Variants in CSMD3 observed in about 807,000 individuals in gnomAD.
The protein encoded by CSMD3 is CUB and sushi domain-containing protein 3.
A neutral mutation model predicts 435.2 loss-of-function variants in CSMD3; 177 were observed. The ratio of observed to expected loss-of-function variants is 0.41; its 90% CI spans 0.36 to 0.46. The LOEUF (loss-of-function observed/expected upper bound fraction) is 0.46, where lower values mean the gene tolerates loss of function less well. Ranked by LOEUF, CSMD3 falls within the 20% of genes least tolerant of loss-of-function variation. The pLI is 0.34. For missense variants in CSMD3, 4,265 were observed against 4,504.6 expected, an observed-to-expected ratio of 0.95 and a Z score of 1.52; for synonymous variants, 1,656 against 1,520.5, an observed-to-expected ratio of 1.09 and a Z score of -2.07.
chr8:113,120,009 A>G (rs1297534688), intron 4 of CSMD3, among the ~76,000 whole-genome samples: 5 of 151,946 alleles, frequency 3.3e-5, no homozygotes, highest in African/African-American at 1.2e-4. Context: ...TTACACAAAT[A>G]AAAAAAATTT....
At chr8:112,458,112 C>A (rs1384917589) in intron 32 of CSMD3, among the ~76,000 whole-genome samples, 1 of 151,534 alleles carries the variant, frequency 6.6e-6, no homozygotes, top group Non-Finnish European at 1.5e-5. Flanking sequence ...AAAAATACAA[C>A]CTTTGATCAC....
intron 1 of CSMD3, among the ~76,000 whole-genome samples, chr8:113,338,094 G>T (rs1251014526): frequency 6.6e-6 from 1 of 151,446 alleles, no homozygotes; most frequent in Non-Finnish European, 1.5e-5. Context: ...ACAATAAAAA[G>T]AACAACAAAA....
At chr8:113,102,240 T>TG (rs1210453254) in intron 4 of CSMD3, among the ~76,000 whole-genome samples, 8 of 152,014 alleles carry the variant, frequency 5.3e-5, no homozygotes, top group Admixed American at 5.3e-4. Context: ...TCACAGAAAG[T>TG]GGGGGGTTCA....
rs575850562 is a variant in CSMD3, at chr8:113,256,480, T to C, written c.514+22112A>G. Among the ~76,000 whole-genome samples the C allele has an allele frequency of 2.6e-5, 4 of 152,342 alleles. No homozygotes were observed. In the South Asian group the frequency reaches 8.3e-4, roughly 32 times the overall value. ...GCTGGCATAGTAGACTCAGTCATTT[T>C]ACAATGTGCTCACTAGGAAAAGTTA... On this transcript the variant is annotated intron_variant, in intron 3 of 70. Coordinates refer to ENST00000297405, the MANE Select transcript of CSMD3 (RefSeq NM_198123.2).
intron 22 of CSMD3, among the ~76,000 whole-genome samples, chr8:112,590,131 T>C (rs963827826): frequency 1.3e-5 from 2 of 152,072 alleles, no homozygotes; most frequent in African/African-American, 4.8e-5. Flanking sequence ...AAAAAATAAA[T>C]TTATAGGTTG....
intron 22 of CSMD3, among the ~76,000 whole-genome samples, chr8:112,628,210 C>G (rs745369799): frequency 9.9e-5 from 15 of 152,088 alleles, no homozygotes; most frequent in Non-Finnish European, 1.9e-4. Flanking sequence ...TTTGAGTCAG[C>G]TATTTTCCCT....
intron 13 of CSMD3, among the ~76,000 whole-genome samples, chr8:112,731,861 A>T (rs1212852047): frequency 6.6e-6 from 1 of 152,170 alleles, no homozygotes; most frequent in East Asian, 1.9e-4. Flanking sequence ...ATTGAAAGAA[A>T]ACTGTCAATT....
At chr8:112,664,982 G>A (rs1278716028) in intron 17 of CSMD3, among the ~76,000 whole-genome samples, 1 of 152,090 alleles carries the variant, frequency 6.6e-6, no homozygotes, top group Non-Finnish European at 1.5e-5. Flanking sequence ...ATTATAACAA[G>A]ATAGTGTTAA....
intron 22 of CSMD3, among the ~76,000 whole-genome samples, chr8:112,619,799 T>C (rs182282438): frequency 1.8e-5 from 2 of 110,674 alleles, no homozygotes; most frequent in Admixed American, 1.7e-4. Context: ...GTTGTATCTT[T>C]CTCCTATCTT....
At chr8:112,563,116 T>TATA (rs750355166) in intron 24 of CSMD3, among the ~76,000 whole-genome samples, 1 of 151,720 alleles carries the variant, frequency 6.6e-6, no homozygotes, top group Non-Finnish European at 1.5e-5. Flanking sequence ...GTGATTGAGA[T>TATA]ATAATAAAGA....
intron 27 of CSMD3, among the ~76,000 whole-genome samples, chr8:112,524,466 A>G (rs1051278842): frequency 6.6e-6 from 1 of 152,082 alleles, no homozygotes; most frequent in Non-Finnish European, 1.5e-5. Flanking sequence ...GATTCGTTAA[A>G]TATTTACTAA....
intron 22 of CSMD3, among the ~76,000 whole-genome samples, chr8:112,633,068 C>T (rs916184781): frequency 7.9e-5 from 12 of 151,842 alleles, no homozygotes; most frequent in East Asian, 1.9e-4. Context: ...AACTAGTAAA[C>T]GAGATTTTGT....
rs2093868227 is a variant in CSMD3, at chr8:113,311,467, T to A, written c.401+3104A>T. On this transcript the variant is annotated intron_variant, in intron 2 of 70. Coordinates refer to ENST00000297405, the MANE Select transcript of CSMD3 (RefSeq NM_198123.2). ...CAAGACAAGTGTAAGAAGCCATTTT[T>A]AAAAAATCTATTGGAGCTCATGAAA... is the stretch of plus-strand genomic sequence containing the variant. 4 of 152,168 alleles carry A rather than the reference T, an allele frequency of 2.6e-5. No individual in the cohort carries two copies. The South Asian group carries it at 8.3e-4, about 32-fold the overall frequency. 9.4% of individuals were successfully genotyped at this position (152,168 alleles called of 1,614,324 possible).
chr8:113,103,233 T>C (rs1245464818), intron 4 of CSMD3, among the ~76,000 whole-genome samples: 1 of 152,158 alleles, frequency 6.6e-6, no homozygotes, highest in Non-Finnish European at 1.5e-5. Flanking sequence ...TGAGGTTAAC[T>C]AGAAGTTGTG....
At chr8:112,779,958 C>T (rs975806648) in intron 13 of CSMD3, among the ~76,000 whole-genome samples, 13 of 152,056 alleles carry the variant, frequency 8.5e-5, no homozygotes, top group African/African-American at 3.1e-4. Context: ...TAATATTTCA[C>T]TAATGTTTCT....
intron 6 of CSMD3, among the ~76,000 whole-genome samples, chr8:112,988,476 A>G (rs1443450710): frequency 2.0e-5 from 3 of 152,090 alleles, no homozygotes; most frequent in African/African-American, 4.8e-5. Context: ...TTCTTCTATT[A>G]TAAAACAGTT....
intron 27 of CSMD3, among the ~76,000 whole-genome samples, chr8:112,531,471 T>C (rs1344250069): frequency 6.6e-6 from 1 of 152,114 alleles, no homozygotes; most frequent in Non-Finnish European, 1.5e-5. Flanking sequence ...GGAATGGCCA[T>C]GTAACCCCTT....
intron 4 of CSMD3, among the ~76,000 whole-genome samples, chr8:113,164,525 T>G (rs1377186031): frequency 6.6e-6 from 1 of 151,296 alleles, no homozygotes; most frequent in Non-Finnish European, 1.5e-5. Context: ...AAAAAGAAAA[T>G]TATTTATTTT....
At chr8:112,707,467 AGTG>A in intron 13 of CSMD3, among the ~76,000 whole-genome samples, 1 of 111,786 alleles carries the variant, frequency 8.9e-6, no homozygotes, top group African/African-American at 4.1e-5. Context: ...TGGGGGTGGT[AGTG>A]GTGGTGGTGC....
Sources: gnomAD v4.1 joint callset for allele counts (sites outside exome capture counted in the v4.1 genomes callset) on GRCh38, gnomAD v4.1.1 for gene constraint, MANE v1.5 for transcripts, NCBI Gene and HGNC (gene_info 2026-07-23, HGNC 2026-07-21) for gene names.